The following SLC15A2 variants were observed in gnomAD, a reference collection of about 807,000 sequenced individuals.
The protein encoded by SLC15A2 is solute carrier family 15 member 2.
Under a neutral mutation model 95.5 loss-of-function variants are expected in SLC15A2, and 77 were observed. The ratio of observed to expected loss-of-function variants is 0.81; its 90% CI spans 0.67 to 0.97. The LOEUF is 0.97. SLC15A2 is among the 50% of genes least tolerant of loss of function. SLC15A2 has a pLI of 0.00. For synonymous variants in SLC15A2, 306 were observed against 306.9 expected (o/e 1.00, Z 0.03); for missense variants, 893 against 874.4 (o/e 1.02, Z -0.27).
intron 3 of SLC15A2, 75 bp downstream of exon 3, chr3:121,897,604 T>C (rs1334737005): frequency 2.7e-6 from 4 of 1,492,858 alleles, no homozygotes; most frequent in Non-Finnish European, 3.7e-6. Context: ...AGCCTCTTGC[T>C]TCTGAGTAAG....
chr3:121,911,746 T>C (rs1210595280), intron 4 of SLC15A2, 80 bp downstream of exon 4: 1 of 937,312 alleles, frequency 1.1e-6, no homozygotes, highest in Non-Finnish European at 1.7e-6. Flanking sequence ...TTACCAGAGA[T>C]GTCTCTTTAT....
rs998808029 is a variant in SLC15A2 at position 121,902,145 on chromosome 3, G to A, written c.335+4616G>A. On this transcript the variant is annotated intron_variant, in intron 3 of 21. Coordinates refer to ENST00000489711, the MANE Select transcript of SLC15A2 (RefSeq NM_021082.4). ...AAAGACTAATCAATAGGTACGCAGT[G>A]GGAAAACAAAAATTATTAAACATGC... Among the ~76,000 whole-genome samples, 5 of 152,058 alleles carry A rather than the reference G, an allele frequency of 3.3e-5. No homozygotes were observed. The East Asian group carries it at 5.8e-4, about 18-fold the overall frequency.
At chr3:121,925,057 G>A in intron 13 of SLC15A2, 24 bp downstream of exon 13, 1 of 1,461,046 alleles carries the variant, frequency 6.8e-7, no homozygotes, top group South Asian at 1.1e-5. Context: ...ATGTCTGTAT[G>A]GATTACTCTA....
intron 7 of SLC15A2, among the ~76,000 whole-genome samples, chr3:121,919,542 T>C (rs1461209822): frequency 6.6e-6 from 1 of 151,964 alleles, no homozygotes; most frequent in Admixed American, 6.6e-5. Context: ...ACTAGATTGG[T>C]TAAAAGGCAT....
At chr3:121,895,430 A>G (rs923590877) in intron 1 of SLC15A2, 10 of 152,236 alleles carry the variant, frequency 6.6e-5, no homozygotes, top group African/African-American at 2.4e-4. Context: ...ATTAAAATAT[A>G]TTAATATTTA....
At position 121,923,252 on chromosome 3, in the gene SLC15A2, A is replaced by G. The variant is rs766807865; in HGVS notation, c.988A>G (p.Met330Val). Residue 330 changes from methionine (M) to valine (V), a missense_variant, in exon 11 of 22, where the codon ATG becomes GTG. Coordinates refer to ENST00000489711, the MANE Select transcript of SLC15A2 (RefSeq NM_021082.4). ...GSRWTLQAIR[M>V]NRNLGFFVLQ... ...ACGATGGACTTTGCAAGCCATCAGG[A>G]TGAATAGGAATTTGGTGAGTAGAAG... 5 of 1,613,948 alleles carry G rather than the reference A, an allele frequency of 3.1e-6. No homozygotes were observed. In the South Asian group the frequency reaches 5.5e-5, roughly 18 times the overall value.
chr3:121,895,003 A>C (rs1361169864), intron 1 of SLC15A2, among the ~76,000 whole-genome samples: 2 of 152,240 alleles, frequency 1.3e-5, no homozygotes, highest in Non-Finnish European at 2.9e-5. Flanking sequence ...GAATAGATCC[A>C]ATTTCTGTTA....
At chr3:121,929,252 T>C in intron 16 of SLC15A2, 50 bp from the exon 17 acceptor site, 8 of 1,609,468 alleles carry the variant, frequency 5.0e-6, no homozygotes, top group East Asian at 2.2e-5. Context: ...TTTCTGAGTA[T>C]AGGTCTTATT....
At chr3:121,918,756 T>G in intron 7 of SLC15A2, among the ~76,000 whole-genome samples, 1 of 152,154 alleles carries the variant, frequency 6.6e-6, no homozygotes, top group South Asian at 2.1e-4. Flanking sequence ...AGTGGGAGAT[T>G]AAGATAAGGG....
intron 5 of SLC15A2, among the ~76,000 whole-genome samples, chr3:121,914,108 A>C (rs1042823573): frequency 6.6e-6 from 1 of 152,150 alleles, no homozygotes; most frequent in African/African-American, 2.4e-5. Context: ...TCTGTCAAAG[A>C]GTCCATAGAT....
In SLC15A2 at chr3:121,924,453, G is replaced by A. The variant is rs918751410; in HGVS notation, c.1035+70G>A. ...TCTATGCCTCCACCTGCAGTATTAC[G>A]ATTAACAACCATAATTTGATGCTTT... is the stretch of plus-strand genomic sequence containing the variant. On this transcript the variant is annotated intron_variant, in intron 12 of 21. Transcript: ENST00000489711. 91 of 1,323,466 alleles carry A rather than the reference G, an allele frequency of 6.9e-5. No individual in the cohort carries two copies. The Middle Eastern group carries it at 7.2e-4, about 11-fold the overall frequency. 82.0% of individuals were successfully genotyped at this position (1,323,466 alleles called of 1,614,324 possible). A position where few individuals can be genotyped will look rare whatever the true frequency, so the allele number is the denominator to read the frequency against.
intron 3 of SLC15A2, among the ~76,000 whole-genome samples, chr3:121,902,746 AT>A (rs1477673325): frequency 6.6e-6 from 1 of 152,098 alleles, no homozygotes; most frequent in Non-Finnish European, 1.5e-5. Context: ...CATTTTCTTA[AT>A]CCAGTCTATC....
In SLC15A2 at chr3:121,944,084, T is replaced by C. The variant is rs1261171518; in HGVS notation, c.*3077T>C. The C allele has an allele frequency of 6.6e-6, 1 of 152,244 alleles. No individual in the cohort carries two copies. Among genetic ancestry groups the C allele is most frequent in the East Asian group, 1.9e-4 (1 of 5,208 alleles). 9.4% of individuals were successfully genotyped at this position (152,244 alleles called of 1,614,324 possible). On this transcript the variant is annotated 3_prime_UTR_variant, in exon 22 of 22. Transcript: ENST00000489711. ...GAAAAGAGGTATAAATGCAGTATTA[T>C]AATCTAATGGGACCACCATCACATA...
intron 1 of SLC15A2, among the ~76,000 whole-genome samples, chr3:121,895,129 A>G (rs539981126): frequency 3.9e-5 from 6 of 152,342 alleles, no homozygotes; most frequent in Non-Finnish European, 7.3e-5. Flanking sequence ...CAATTCTTAC[A>G]CTAAAATTCT....
At chr3:121,917,349 A>T (rs540929820) in intron 7 of SLC15A2, among the ~76,000 whole-genome samples, 1 of 152,338 alleles carries the variant, frequency 6.6e-6, no homozygotes, top group African/African-American at 2.4e-5. Context: ...GTGATCTAGG[A>T]AAGTACAGAG....
intron 7 of SLC15A2, among the ~76,000 whole-genome samples, chr3:121,918,143 T>G (rs1020270481): frequency 6.6e-6 from 1 of 152,242 alleles, no homozygotes; most frequent in Non-Finnish European, 1.5e-5. Context: ...ATTACCGAAT[T>G]TTTTGATACT....
intron 16 of SLC15A2, 65 bp downstream of exon 16, chr3:121,929,211 A>G (rs548277020): frequency 1.9e-6 from 3 of 1,603,276 alleles, no homozygotes; most frequent in Non-Finnish European, 1.7e-6. Context: ...TCTCATCAAC[A>G]TCTTACCAAG....
At chr3:121,928,586 T>C (rs756304434) in intron 15 of SLC15A2, 31 bp downstream of exon 15, 62 of 1,605,594 alleles carry the variant, frequency 3.9e-5, no homozygotes, top group Non-Finnish European at 5.1e-5. Flanking sequence ...AATTAGAAAC[T>C]CTGTATGCTA....
In SLC15A2 at chr3:121,894,531, A is replaced by C. The variant is rs368699961; in HGVS notation, c.55A>C (p.Ile19Leu). Residue 19 changes from isoleucine (I) to leucine (L), a missense_variant, in exon 1 of 22, where the codon ATT becomes CTT. Transcript: ENST00000489711. ...GGAAACTCTTTTTTCACCTGTCTCC[A>C]TTGAAGAGGTACCACCTCGACCACC... ...SKETLFSPVS[I>L]EEVPPRPPSP... 6.2e-7 allele frequency: 1 copy of C among 1,614,052 alleles called. No homozygotes were observed. Among genetic ancestry groups the C allele is most frequent in the East Asian group, 2.2e-5 (1 of 44,882 alleles).
Sources: gnomAD v4.1 joint callset for allele counts (sites outside exome capture counted in the v4.1 genomes callset) on GRCh38, gnomAD v4.1.1 for gene constraint, MANE v1.5 for transcripts, NCBI Gene and HGNC (gene_info 2026-07-23, HGNC 2026-07-21) for gene names.